The following SDK1 variants were observed in gnomAD, a reference collection of about 807,000 sequenced individuals.
SDK1 encodes the protein protein sidekick-1.
A neutral mutation model predicts 245.5 loss-of-function variants in SDK1; 157 were observed. That is an observed-to-expected ratio of 0.64 (90% CI 0.56 to 0.73). SDK1 has a LOEUF of 0.73. SDK1 is among the 30% of genes least tolerant of loss of function. The pLI, the probability that SDK1 is intolerant of heterozygous loss-of-function variation, is 0.00. For synonymous variants in SDK1, 1,647 were observed against 1,278.5 expected, an observed-to-expected ratio of 1.29 and a Z score of -6.15; for missense variants, 3,583 against 3,002.3, an observed-to-expected ratio of 1.19 and a Z score of -4.52.
rs371360577 is a variant in SDK1, at chr7:4,051,626, G to C, written c.2719-12G>C. The C allele has an allele frequency of 7.5e-6, 12 of 1,607,948 alleles. No homozygotes were observed. In the Admixed American group the frequency reaches 1.4e-4, roughly 18 times the overall value. On this transcript the variant is annotated splice_polypyrimidine_tract_variant and intron_variant, in intron 18 of 44. Coordinates refer to ENST00000404826, the MANE Select transcript of SDK1 (RefSeq NM_152744.4). ...GAAAACAGGCTGTCTTTTTCACCCT[G>C]TTCCATCTCAGCTTCTGGCATGGCC...
chr7:3,838,296 A>G (rs991207604), intron 5 of SDK1, among the ~76,000 whole-genome samples: 1 of 152,246 alleles, frequency 6.6e-6, no homozygotes, highest in African/African-American at 2.4e-5. Flanking sequence ...ATGGGTGACT[A>G]AAGCGAAAGT....
At chr7:3,770,688 T>G (rs1780383924) in intron 4 of SDK1, among the ~76,000 whole-genome samples, 1 of 151,892 alleles carries the variant, frequency 6.6e-6, no homozygotes, top group African/African-American at 2.4e-5. Flanking sequence ...TCATGTCTAG[T>G]GGGGAAGGAA....
intron 1 of SDK1, among the ~76,000 whole-genome samples, chr7:3,485,946 A>C (rs936418637): frequency 9.2e-5 from 14 of 151,804 alleles, no homozygotes; most frequent in Non-Finnish European, 1.8e-4. Context: ...CTCTTCATTA[A>C]AACCATCTAT....
chr7:3,918,357 G>A (rs1363023338), intron 5 of SDK1, among the ~76,000 whole-genome samples: 2 of 152,116 alleles, frequency 1.3e-5, no homozygotes, highest in East Asian at 1.9e-4. Flanking sequence ...CCAGAGCTCC[G>A]CCCCCTGTCA....
chr7:4,155,585 GA>G lies in SDK1; in HGVS notation c.4626-2859del, dbSNP rs549115777. Among the ~76,000 whole-genome samples, 224 of 152,338 alleles carry G rather than the reference GA, an allele frequency of 1.5e-3. 3 individuals carry two copies. Among genetic ancestry groups the G allele is most frequent in the Middle Eastern group, 0.014 (4 of 294 alleles). ...ACAGTTCAATGCCAGAGGCCAGTGA[GA>G]AAACAAATACATCAATAAGTAAGCA... On this transcript the variant is annotated intron_variant, in intron 30 of 44. Transcript: ENST00000404826.
intron 40 of SDK1, among the ~76,000 whole-genome samples, chr7:4,226,885 C>T (rs1487160950): frequency 6.6e-6 from 1 of 151,942 alleles, no homozygotes; most frequent in South Asian, 2.1e-4. Context: ...TCCAAAGCAG[C>T]CATGAAATAC....
At chr7:3,496,228 C>G (rs1364476554) in intron 1 of SDK1, among the ~76,000 whole-genome samples, 1 of 152,034 alleles carries the variant, frequency 6.6e-6, no homozygotes, top group African/African-American at 2.4e-5. Context: ...GCTGGAGGGT[C>G]AGATAAGTTA....
intron 4 of SDK1, among the ~76,000 whole-genome samples, chr7:3,755,603 C>T (rs192219315): frequency 5.3e-5 from 8 of 152,260 alleles, no homozygotes; most frequent in Admixed American, 3.3e-4. Context: ...ATAACCACCT[C>T]CACAGCCAAA....
At chr7:4,093,377 G>A (rs890435516) in intron 22 of SDK1, among the ~76,000 whole-genome samples, 1 of 147,592 alleles carries the variant, frequency 6.8e-6, no homozygotes, top group African/African-American at 2.5e-5. Context: ...AGCCTGCCCT[G>A]AGCAGAGTTT....
At position 3,578,156 on chromosome 7, in the gene SDK1, A is replaced by G. The variant is rs150808661; in HGVS notation, c.299-40924A>G. On this transcript the variant is annotated intron_variant, in intron 1 of 44. Transcript: ENST00000404826. Reference sequence around the variant, plus strand: ...GGTTCTTTCTATTTTCCATTAGCATACAAAGAGAGGAATTTTACAGTTGGG... The same window carrying G: ...GGTTCTTTCTATTTTCCATTAGCATGCAAAGAGAGGAATTTTACAGTTGGG... Among the ~76,000 whole-genome samples the G allele has an allele frequency of 2.2e-3, 331 of 152,136 alleles. 5 individuals carry two copies. Among genetic ancestry groups the G allele is most frequent in the African/African-American group, 7.8e-3 (325 of 41,554 alleles).
intron 1 of SDK1, among the ~76,000 whole-genome samples, chr7:3,600,347 A>G (rs2128638487): frequency 6.6e-6 from 1 of 152,258 alleles, no homozygotes; most frequent in South Asian, 2.1e-4. Context: ...GATTTCCTAC[A>G]TAGACAGTAA....
chr7:3,705,029 T>A (rs547258134), intron 4 of SDK1, among the ~76,000 whole-genome samples: 2 of 152,316 alleles, frequency 1.3e-5, no homozygotes, highest in South Asian at 4.1e-4. Context: ...GGCTCTCTAC[T>A]CTGTTTCATT....
At chr7:3,456,638 T>A (rs1467586914) in intron 1 of SDK1, among the ~76,000 whole-genome samples, 3 of 152,262 alleles carry the variant, frequency 2.0e-5, no homozygotes, top group Non-Finnish European at 4.4e-5. Flanking sequence ...CTTGTTGATG[T>A]ATTTTTGTGA....
chr7:3,868,839 C>T (rs1452650699), intron 5 of SDK1, among the ~76,000 whole-genome samples: 3 of 152,174 alleles, frequency 2.0e-5, no homozygotes, highest in Non-Finnish European at 4.4e-5. Context: ...ATCATTTCAG[C>T]CTTCAGAGTG....
intron 1 of SDK1, among the ~76,000 whole-genome samples, chr7:3,418,145 G>GCAAAA (rs1292199670): frequency 0.025 from 2,957 of 119,530 alleles, 267 homozygotes; most frequent in African/African-American, 0.068. Context: ...TACTAAAAAT[G>GCAAAA]AAAAAAAAAA....
At chr7:3,484,885 G>C (rs1583930209) in intron 1 of SDK1, among the ~76,000 whole-genome samples, 1 of 152,228 alleles carries the variant, frequency 6.6e-6, no homozygotes, top group East Asian at 1.9e-4. Flanking sequence ...AACATATTTT[G>C]TTTGTTCATT....
chr7:3,400,087 G>A (rs1439999704), intron 1 of SDK1, among the ~76,000 whole-genome samples: 2 of 151,864 alleles, frequency 1.3e-5, no homozygotes, highest in African/African-American at 4.8e-5. Flanking sequence ...CAGAGAGGGC[G>A]CTTTTGGGGA....
intron 4 of SDK1, among the ~76,000 whole-genome samples, chr7:3,735,229 T>C (rs1779286255): frequency 6.6e-6 from 1 of 152,186 alleles, no homozygotes; most frequent in Non-Finnish European, 1.5e-5. Flanking sequence ...AATTCAATAG[T>C]GTTAAGTATG....
chr7:3,403,870 A>ATATTT (rs1562466270), intron 1 of SDK1, among the ~76,000 whole-genome samples: 3 of 84,710 alleles, frequency 3.5e-5, no homozygotes, highest in African/African-American at 1.5e-4. Context: ...TATATATATA[A>ATATTT]TATATATATT....
Sources: allele counts gnomAD v4.1 joint callset (sites outside exome capture counted in the v4.1 genomes callset), GRCh38; gene constraint gnomAD v4.1.1; transcripts MANE v1.5; gene names NCBI Gene and HGNC (gene_info 2026-07-23, HGNC 2026-07-21).